Variants in CHL1 observed in about 807,000 individuals in gnomAD.
CHL1 encodes neural cell adhesion molecule L1-like protein.
CHL1 carries 96 observed loss-of-function variants against 141.9 expected under a neutral mutation model. The ratio of observed to expected loss-of-function variants is 0.68; its 90% confidence interval spans 0.57 to 0.80. The LOEUF is 0.80. Ranked by LOEUF, CHL1 falls within the 30% of genes least tolerant of loss-of-function variation. The pLI, the probability that CHL1 is intolerant of heterozygous loss-of-function variation, is 0.00. For missense variants in CHL1, 1,820 were observed against 1,457.2 expected (o/e 1.25, Z -4.05); for synonymous variants, 613 against 502.2 (o/e 1.22, Z -2.95).
At chr3:324,702 G>T (rs1320701965) in intron 3 of CHL1, among the ~76,000 whole-genome samples, 1 of 151,646 alleles carries the variant, frequency 6.6e-6, no homozygotes, top group Non-Finnish European at 1.5e-5. Context: ...GCAGTGGCTT[G>T]ATCACACCTC....
chr3:342,922 C>A, intron 7 of CHL1, 62 bp from the exon 8 acceptor site: 1 of 1,348,172 alleles, frequency 7.4e-7, no homozygotes, highest in Non-Finnish European at 1.0e-6. Context: ...ACTTTTCATT[C>A]TTTATTGATA....
At chr3:314,293 C>A (rs1387685075) in intron 2 of CHL1, among the ~76,000 whole-genome samples, 1 of 129,816 alleles carries the variant, frequency 7.7e-6, no homozygotes, top group Non-Finnish European at 1.6e-5. Flanking sequence ...TCCCCCCAAT[C>A]TTGCACTCTC....
chr3:369,480 C>A (rs998310701), intron 15 of CHL1, among the ~76,000 whole-genome samples: 1 of 152,184 alleles, frequency 6.6e-6, no homozygotes. Context: ...AATTGCTTAT[C>A]AGTTCAAGGA....
intron 13 of CHL1, among the ~76,000 whole-genome samples, chr3:362,989 A>G (rs915177608): frequency 6.6e-6 from 1 of 152,234 alleles, no homozygotes; most frequent in African/African-American, 2.4e-5. Flanking sequence ...CAAATACAGC[A>G]GAAGCACTGA....
chr3:403,184 C>T (rs539999792), intron 27 of CHL1, among the ~76,000 whole-genome samples: 15 of 152,276 alleles, frequency 9.9e-5, no homozygotes, highest in Non-Finnish European at 1.5e-4. Context: ...CTCCATACCA[C>T]GTAGATATCT....
intron 5 of CHL1, among the ~76,000 whole-genome samples, chr3:334,650 A>G (rs1460490664): frequency 6.6e-6 from 1 of 152,170 alleles, no homozygotes; most frequent in Non-Finnish European, 1.5e-5. Context: ...CACTGCATGG[A>G]TATCATTTCC....
At position 349,540 on chromosome 3, in the gene CHL1, G is replaced by C; in HGVS notation, c.1030G>C (p.Glu344Gln). 1.9e-6 allele frequency: 3 copies of C among 1,611,196 alleles called. No homozygotes were observed. Among genetic ancestry groups the C allele is most frequent in the Non-Finnish European group, 2.5e-6 (3 of 1,178,810 alleles). The change falls in exon 10 of 28, where the codon GAA (glutamate) becomes CAA (glutamine). Residue 344 changes from glutamate to glutamine, a missense_variant. By Grantham distance (29) the Glu-to-Gln change is conservative. Transcript: ENST00000256509. ...CACTCACGATTTTCACGTTATAGTA[G>C]AAGGTACCTTTCCCATGTTGGTCTA... ...TATHDFHVIV[E>Q]EPPRWTKKPQ...
chr3:393,117 C>T lies in CHL1; in HGVS notation c.2914+1320C>T, dbSNP rs746608122. Among the ~76,000 whole-genome samples the T allele has an allele frequency of 5.3e-4, 80 of 151,434 alleles. 1 individual carries two copies. Among genetic ancestry groups the T allele is most frequent in the Middle Eastern group, 6.9e-3 (2 of 290 alleles). ...GCGTGGTGGTGGGCCCCTGTAGTCCCAGCTACTCGGGCGGCTGAGGCAGGA... is the reference window on the plus strand; with the variant it reads ...GCGTGGTGGTGGGCCCCTGTAGTCCTAGCTACTCGGGCGGCTGAGGCAGGA... On this transcript the variant is annotated intron_variant, in intron 23 of 27. Coordinates refer to ENST00000256509, the MANE Select transcript of CHL1 (RefSeq NM_006614.4).
chr3:398,528 T>C (rs1164429322), intron 25 of CHL1, 143 bp downstream of exon 25: 22 of 511,710 alleles, frequency 4.3e-5, no homozygotes, highest in Non-Finnish European at 7.2e-5. Context: ...TTTTGACATA[T>C]TTTTAAATTA....
At chr3:296,236 A>C (rs145543625) in intron 2 of CHL1, among the ~76,000 whole-genome samples, 32 of 152,280 alleles carry the variant, frequency 2.1e-4, no homozygotes, top group African/African-American at 6.5e-4. Context: ...CATTCAGTTA[A>C]GACCTATCCT....
At chr3:375,152 C>T (rs999964810) in intron 15 of CHL1, among the ~76,000 whole-genome samples, 3 of 152,138 alleles carry the variant, frequency 2.0e-5, no homozygotes, top group South Asian at 2.1e-4. Context: ...TTCCTACCTG[C>T]AGGTGGCCAT....
At chr3:340,702 T>C (rs1229873253) in intron 5 of CHL1, 92 bp from the exon 6 acceptor site, 5 of 1,086,910 alleles carry the variant, frequency 4.6e-6, no homozygotes, top group Non-Finnish European at 6.6e-6. Context: ...TTTAAATTGC[T>C]GAATTTTGAA....
At chr3:198,571 C>T (rs777760223) in intron 1 of CHL1, among the ~76,000 whole-genome samples, 3 of 152,114 alleles carry the variant, frequency 2.0e-5, no homozygotes, top group African/African-American at 7.2e-5. Context: ...TTATCGATAC[C>T]CTCTATACTG....
At chr3:280,757 G>T (rs1389751448) in intron 2 of CHL1, among the ~76,000 whole-genome samples, 2 of 152,106 alleles carry the variant, frequency 1.3e-5, no homozygotes, top group Admixed American at 1.3e-4. Flanking sequence ...GAAAAATTTG[G>T]TTGGTTGGGT....
Position 382,182 on chromosome 3 carries a change from T to C in CHL1, c.1880T>C (p.Val627Ala). 6.2e-7 allele frequency: 1 copy of C among 1,612,604 alleles called. No individual in the cohort carries two copies. The highest frequency in any genetic ancestry group is 8.5e-7 in the Non-Finnish European group (1 of 1,179,032). ...TTTCCCTTCCTTTATTAATTAGATG[T>C]TCCGGATCCACCAGAAAACCTTCAC... ...ADITQVTVLD[V>A]PDPPENLHLS... Residue 627 changes from valine (V) to alanine (A), a missense_variant, in exon 17 of 28, where the codon GTT becomes GCT. By Grantham distance (64) the Val-to-Ala change is moderately conservative (BLOSUM62 0). Transcript: ENST00000256509.
chr3:242,358 A>G (rs1438505931), intron 1 of CHL1, among the ~76,000 whole-genome samples: 1 of 147,380 alleles, frequency 6.8e-6, no homozygotes, highest in South Asian at 2.2e-4. Flanking sequence ...GCACTTTGGG[A>G]GGCTGAGGGG....
intron 9 of CHL1, among the ~76,000 whole-genome samples, chr3:346,033 T>C (rs1248799454): frequency 5.9e-5 from 9 of 152,224 alleles, no homozygotes; most frequent in African/African-American, 1.9e-4. Flanking sequence ...ATTTGAAATA[T>C]AATCTGTTCG....
intron 8 of CHL1, 136 bp downstream of exon 8, chr3:343,167 C>G (rs1430162445): frequency 1.7e-6 from 1 of 600,080 alleles, no homozygotes; most frequent in Non-Finnish European, 2.8e-6. Flanking sequence ...TTAGAGGGTT[C>G]TATTGCCCCC....
At chr3:315,183 A>G (rs1700067739) in intron 2 of CHL1, among the ~76,000 whole-genome samples, 1 of 152,152 alleles carries the variant, frequency 6.6e-6, no homozygotes, top group South Asian at 2.1e-4. Flanking sequence ...TTCTCTGCTA[A>G]TGACACATTA....
Sources: gnomAD v4.1 joint callset for allele counts (sites outside exome capture counted in the v4.1 genomes callset) on GRCh38, gnomAD v4.1.1 for gene constraint, MANE v1.5 for transcripts, NCBI Gene and HGNC (gene_info 2026-07-23, HGNC 2026-07-21) for gene names.